Variants in SLC17A8 observed in about 807,000 individuals in gnomAD.
SLC17A8 encodes solute carrier family 17 member 8, also known as vesicular glutamate transporter 3.
SLC17A8 carries 31 observed loss-of-function variants against 58.0 expected under a neutral mutation model. The observed-to-expected ratio is 0.53, with a 90% CI of 0.40 to 0.72. The LOEUF is 0.72. Ranked by LOEUF, SLC17A8 falls within the 30% of genes least tolerant of loss-of-function variation. SLC17A8 has a pLI of 0.00. For missense variants in SLC17A8, 655 were observed against 727.8 expected (o/e 0.90, Z 1.15); for synonymous variants, 228 against 249.0 (o/e 0.92, Z 0.79).
At chr12:100,375,024 A>T (rs1952584791) in intron 1 of SLC17A8, among the ~76,000 whole-genome samples, 1 of 151,270 alleles carries the variant, frequency 6.6e-6, no homozygotes, top group Non-Finnish European at 1.5e-5. Flanking sequence ...CCCATACTGT[A>T]TGTCTTCCCT....
chr12:100,400,113 C>T (rs1411681009), intron 5 of SLC17A8, among the ~76,000 whole-genome samples: 1 of 152,138 alleles, frequency 6.6e-6, no homozygotes, highest in Admixed American at 6.6e-5. Context: ...CTCAGTGCAT[C>T]TTAGTTGGTG....
chr12:100,380,942 C>G lies in SLC17A8; in HGVS notation c.343C>G (p.Pro115Ala), dbSNP rs1032008815. 13 of 1,613,886 alleles carry G rather than the reference C, an allele frequency of 8.1e-6. No homozygotes were observed. In the African/African-American group the frequency reaches 1.6e-4, roughly 20 times the overall value. The change falls in exon 2 of 12, where the codon CCG (proline) becomes GCG (alanine). Residue 115 changes from proline (P) to alanine (A), a missense_variant. Coordinates refer to ENST00000323346, the MANE Select transcript of SLC17A8 (RefSeq NM_139319.3). ...NNSTVYVDGK[P>A]EIQTAQFNWD... is the part of the protein sequence containing the mutation. ...TAGCACCGTATATGTTGATGGAAAA[C>G]CGGAAATTCAGGTTGGTATCAGTCC...
rs372662765 is a variant in SLC17A8, at chr12:100,401,862, T to C, written c.762T>C (p.Tyr254=). 1.6e-5 allele frequency: 26 copies of C among 1,612,742 alleles called. No individual in the cohort carries two copies. The highest frequency in any genetic ancestry group is 1.6e-4 in the Middle Eastern group (1 of 6,080). Residue 254 remains tyrosine, a splice_region_variant and synonymous_variant, in exon 6 of 12, where the codon TAT becomes TAC. Coordinates refer to ENST00000323346, the MANE Select transcript of SLC17A8 (RefSeq NM_139319.3). ...YIGWSSVFYI[Y]GMFGIIWYMF... is the part of the protein sequence containing the mutation. ...GATGGTCCTCTGTCTTTTATATTTATGGTGAGTGATTTGACTTCACAAGTT... is the reference window on the plus strand; with the variant it reads ...GATGGTCCTCTGTCTTTTATATTTACGGTGAGTGATTTGACTTCACAAGTT...
At chr12:100,411,283 C>A (rs1159514691) in intron 9 of SLC17A8, among the ~76,000 whole-genome samples, 1 of 152,022 alleles carries the variant, frequency 6.6e-6, no homozygotes, top group African/African-American at 2.4e-5. Context: ...CATGGTGAAA[C>A]CAGCCTGGCC....
chr12:100,395,326 AT>A (rs11304705), intron 4 of SLC17A8, among the ~76,000 whole-genome samples: 49,838 of 137,996 alleles, frequency 0.36, 8,985 homozygotes, highest in East Asian at 0.52. Flanking sequence ...AAACAAAAGA[AT>A]TTTTTTTTTT....
chr12:100,394,246 C>A (rs1302402829), intron 4 of SLC17A8, among the ~76,000 whole-genome samples: 1 of 152,120 alleles, frequency 6.6e-6, no homozygotes, highest in African/African-American at 2.4e-5. Flanking sequence ...TGACCTTCGC[C>A]AGTTTGTTAT....
intron 5 of SLC17A8, 71 bp downstream of exon 5, chr12:100,396,488 C>G: frequency 8.0e-7 from 1 of 1,243,470 alleles, no homozygotes; most frequent in Non-Finnish European, 1.2e-6. Context: ...TGGCTCACGC[C>G]TGTAATCTCA....
intron 2 of SLC17A8, among the ~76,000 whole-genome samples, chr12:100,389,294 C>A (rs1182670372): frequency 1.3e-5 from 2 of 152,142 alleles, no homozygotes; most frequent in South Asian, 2.1e-4. Flanking sequence ...TAATCTGTTA[C>A]ATGCAAAATC....
At chr12:100,414,808 A>T (rs1407604972) in intron 10 of SLC17A8, among the ~76,000 whole-genome samples, 1 of 152,214 alleles carries the variant, frequency 6.6e-6, no homozygotes, top group South Asian at 2.1e-4. Flanking sequence ...TGCCTCTCAA[A>T]GTGTTATGTG....
chr12:100,413,029 G>C (rs1050848375), intron 10 of SLC17A8, 149 bp downstream of exon 10: 3 of 716,572 alleles, frequency 4.2e-6, no homozygotes, highest in Non-Finnish European at 7.5e-6. Context: ...GATCTAGTGG[G>C]GGTGATTTTG....
intron 2 of SLC17A8, among the ~76,000 whole-genome samples, chr12:100,388,169 T>C (rs1952689651): frequency 6.6e-6 from 1 of 152,186 alleles, no homozygotes; most frequent in African/African-American, 2.4e-5. Context: ...TATGACTTGC[T>C]CCCTTCCTTT....
chr12:100,412,897 G>A lies in SLC17A8; in HGVS notation c.1297+17G>A, dbSNP rs759971256. On this transcript the variant is annotated intron_variant, in intron 10 of 11. Transcript: ENST00000323346. ...CTATTTCAGGTAATGTGTCCTTTGGGTTTCCAGATCTTGACTATAGATTCA... is the reference window on the plus strand; with the variant it reads ...CTATTTCAGGTAATGTGTCCTTTGGATTTCCAGATCTTGACTATAGATTCA... The A allele has an allele frequency of 5.7e-6, 9 of 1,578,880 alleles. No individual in the cohort carries two copies. In the East Asian group the frequency reaches 1.8e-4, roughly 31 times the overall value.
intron 9 of SLC17A8, 35 bp from the exon 10 acceptor site, chr12:100,412,735 A>C (rs773434436): frequency 1.4e-6 from 2 of 1,405,114 alleles, no homozygotes; most frequent in Non-Finnish European, 2.0e-6. Flanking sequence ...CGATATGAAA[A>C]TGACATTTTT....
intron 1 of SLC17A8, among the ~76,000 whole-genome samples, chr12:100,376,641 A>G (rs1481404702): frequency 6.6e-6 from 1 of 152,216 alleles, no homozygotes; most frequent in Non-Finnish European, 1.5e-5. Context: ...AGCTGTATTA[A>G]TGATCAAATA....
chr12:100,361,939 C>T (rs1017861075), intron 1 of SLC17A8, among the ~76,000 whole-genome samples: 30 of 151,820 alleles, frequency 2.0e-4, no homozygotes, highest in African/African-American at 6.3e-4. Flanking sequence ...CCAGCCTGGA[C>T]GACAGAGGGA....
chr12:100,388,038 T>C lies in SLC17A8; in HGVS notation c.355-2963T>C, dbSNP rs116941445. 1.3e-3 allele frequency among the ~76,000 whole-genome samples: 200 copies of C among 152,292 alleles called. No homozygotes were observed. In the East Asian group the frequency reaches 0.016, roughly 12 times the overall value. On this transcript the variant is annotated intron_variant, in intron 2 of 11. Coordinates refer to ENST00000323346, the MANE Select transcript of SLC17A8 (RefSeq NM_139319.3). Reference sequence around the variant, plus strand: ...TTAACACCTATTCTCTTCCTCCTCATTCATTACCCTCCAGCTGTACTGACA... The same window carrying C: ...TTAACACCTATTCTCTTCCTCCTCACTCATTACCCTCCAGCTGTACTGACA...
At chr12:100,412,923 A>G (rs531183155) in intron 10 of SLC17A8, 43 bp downstream of exon 10, 1 of 1,454,154 alleles carries the variant, frequency 6.9e-7, no homozygotes, top group Non-Finnish European at 9.7e-7. Context: ...TATAGATTCA[A>G]CAAGTCCCAG....
chr12:100,386,621 T>G (rs1952676328), intron 2 of SLC17A8, among the ~76,000 whole-genome samples: 2 of 152,158 alleles, frequency 1.3e-5, no homozygotes, highest in Admixed American at 1.3e-4. Flanking sequence ...TCATGCCAGT[T>G]GTTACATCTT....
At chr12:100,380,382 T>TA (rs1952626604) in intron 1 of SLC17A8, among the ~76,000 whole-genome samples, 1 of 151,982 alleles carries the variant, frequency 6.6e-6, no homozygotes, top group African/African-American at 2.4e-5. Flanking sequence ...TTTCCTCATC[T>TA]ATAAAATGAC....
Sources: allele counts gnomAD v4.1 joint callset (sites outside exome capture counted in the v4.1 genomes callset), GRCh38; gene constraint gnomAD v4.1.1; transcripts MANE v1.5; gene names NCBI Gene and HGNC (gene_info 2026-07-23, HGNC 2026-07-21).